The following ESRRG variants were observed in gnomAD, a reference collection of about 807,000 sequenced individuals.
ESRRG encodes the protein estrogen related receptor gamma, also known as estrogen-related receptor gamma.
A neutral mutation model predicts 44.0 loss-of-function variants in ESRRG; 13 were observed. The ratio of observed to expected loss-of-function variants is 0.30; its 90% CI spans 0.19 to 0.47. The LOEUF (loss-of-function observed/expected upper bound fraction) is 0.47, where lower values mean the gene tolerates loss of function less well. ESRRG is among the 20% of genes least tolerant of loss of function. The pLI is 1.00. For missense variants in ESRRG, 395 were observed against 580.6 expected (o/e 0.68, Z 3.29); for synonymous variants, 215 against 214.6 (o/e 1.00, Z -0.02).
At chr1:216,656,993 G>A (rs1231967860) in intron 2 of ESRRG, among the ~76,000 whole-genome samples, 1 of 152,136 alleles carries the variant, frequency 6.6e-6, no homozygotes, top group African/African-American at 2.4e-5. Context: ...GCAATAATCT[G>A]TAGTATTTTT....
intron 1 of ESRRG, among the ~76,000 whole-genome samples, chr1:217,122,111 T>G (rs1215115490): frequency 6.6e-6 from 1 of 152,210 alleles, no homozygotes; most frequent in East Asian, 1.9e-4. Flanking sequence ...TTTGGACCAC[T>G]TATTCTGTGA....
At chr1:216,812,468 A>C (rs2095003781) in intron 2 of ESRRG, among the ~76,000 whole-genome samples, 2 of 152,126 alleles carry the variant, frequency 1.3e-5, no homozygotes, top group Admixed American at 6.6e-5. Context: ...CATGTAGTAG[A>C]TTGCATAATG....
At chr1:216,607,441 A>G (rs1322644687) in intron 3 of ESRRG, among the ~76,000 whole-genome samples, 2 of 152,214 alleles carry the variant, frequency 1.3e-5, no homozygotes, top group Non-Finnish European at 2.9e-5. Context: ...GGCTGGACAG[A>G]GTGGGCGCTT....
At chr1:216,977,870 T>TAA (rs927074182) in intron 1 of ESRRG, among the ~76,000 whole-genome samples, 4 of 152,094 alleles carry the variant, frequency 2.6e-5, no homozygotes, top group Non-Finnish European at 4.4e-5. Context: ...AGTGGGTTCA[T>TAA]AATCTCAGGA....
At chr1:217,045,911 T>G (rs955523574) in intron 1 of ESRRG, among the ~76,000 whole-genome samples, 3 of 152,158 alleles carry the variant, frequency 2.0e-5, no homozygotes, top group Non-Finnish European at 2.9e-5. Context: ...TTTAGGATTT[T>G]TTAAGTATTT....
intron 3 of ESRRG, among the ~76,000 whole-genome samples, chr1:216,572,916 A>T (rs2061070002): frequency 6.6e-6 from 1 of 152,052 alleles, no homozygotes; most frequent in South Asian, 2.1e-4. Context: ...GTAGTAATAA[A>T]TGCAAATAAC....
chr1:216,631,026 T>G (rs543096949), intron 3 of ESRRG, among the ~76,000 whole-genome samples: 28 of 151,716 alleles, frequency 1.8e-4, no homozygotes, highest in African/African-American at 6.8e-4. Flanking sequence ...GGAAAAATGA[T>G]GATGAAACAC....
At position 216,800,168 on chromosome 1, in the gene ESRRG, TC is replaced by T. The variant is rs11572607; in HGVS notation, c.-13-122678del. Among the ~76,000 whole-genome samples the T allele has an allele frequency of 2.1e-3, 321 of 152,256 alleles. 3 individuals are homozygous for T. Among genetic ancestry groups the T allele is most frequent in the Middle Eastern group, 0.02 (6 of 294 alleles). On this transcript the variant is annotated intron_variant, in intron 2 of 7. Coordinates refer to the ESRRG transcript ENST00000359162. The stretch of plus-strand genomic sequence containing the variant: ...GATTTTACTGAAAACTTAACACCTC[TC>T]AACACAGCTGTCTGCCCAGTCAGGA...
chr1:216,967,457 T>C (rs2070691853), intron 1 of ESRRG, among the ~76,000 whole-genome samples: 1 of 152,190 alleles, frequency 6.6e-6, no homozygotes, highest in South Asian at 2.1e-4. Context: ...CCCTGCCTTT[T>C]CTAGAAAGAC....
intron 2 of ESRRG, among the ~76,000 whole-genome samples, chr1:216,924,598 G>T (rs2062278281): frequency 6.6e-6 from 1 of 152,192 alleles, no homozygotes. Flanking sequence ...TGTCCACAGG[G>T]AAAAGTGAGC....
intron 5 of ESRRG, among the ~76,000 whole-genome samples, chr1:216,554,452 CAAAA>C (rs34202751): frequency 7.1e-6 from 1 of 140,516 alleles, no homozygotes. Flanking sequence ...GACTCTGTCT[CAAAA>C]AAAAAAAAAC....
chr1:217,134,473 T>A (rs1322847720), intron 1 of ESRRG, among the ~76,000 whole-genome samples: 1 of 152,166 alleles, frequency 6.6e-6, no homozygotes, highest in African/African-American at 2.4e-5. Flanking sequence ...ACTTACTTGT[T>A]CTTAATTCCT....
At chr1:217,133,647 C>CTTTCTTTCTTTCT (rs1558298414) in intron 1 of ESRRG, among the ~76,000 whole-genome samples, 2 of 56,994 alleles carry the variant, frequency 3.5e-5, no homozygotes, top group Non-Finnish European at 7.1e-5. Flanking sequence ...CTCTCTCTCT[C>CTTTCTTTCTTTCT]TTTCTTTCTT....
chr1:216,677,742 G>T (rs963694338), intron 1 of ESRRG, among the ~76,000 whole-genome samples: 1 of 152,078 alleles, frequency 6.6e-6, no homozygotes, highest in Non-Finnish European at 1.5e-5. Flanking sequence ...CAGCATAAGG[G>T]CATGACAGGG....
intron 1 of ESRRG, among the ~76,000 whole-genome samples, chr1:216,988,964 A>G (rs2075279242): frequency 2.0e-5 from 3 of 152,224 alleles, no homozygotes; most frequent in Non-Finnish European, 4.4e-5. Flanking sequence ...AACCACAGTC[A>G]TAGCCCTTTA....
intron 1 of ESRRG, among the ~76,000 whole-genome samples, chr1:217,038,897 C>T (rs762910772): frequency 6.6e-5 from 10 of 152,144 alleles, no homozygotes; most frequent in South Asian, 2.1e-4. Flanking sequence ...CTTTTAAAAC[C>T]GAATGCCTTT....
chr1:216,947,390 T>C (rs1481314269), intron 1 of ESRRG, among the ~76,000 whole-genome samples: 1 of 152,212 alleles, frequency 6.6e-6, no homozygotes, highest in Non-Finnish European at 1.5e-5. Flanking sequence ...TTGATGGTTT[T>C]TCAGATGATA....
intron 3 of ESRRG, among the ~76,000 whole-genome samples, chr1:216,574,282 G>A (rs1439784164): frequency 6.6e-6 from 1 of 151,996 alleles, no homozygotes; most frequent in African/African-American, 2.4e-5. Context: ...ATTGCCACAA[G>A]GGAATTACAA....
At chr1:216,991,198 C>T (rs565300158) in intron 1 of ESRRG, among the ~76,000 whole-genome samples, 10 of 152,132 alleles carry the variant, frequency 6.6e-5, no homozygotes, top group Non-Finnish European at 1.5e-4. Context: ...CCATCCCCCA[C>T]CCATCCATGG....
Sources: gnomAD v4.1 joint callset for allele counts (sites outside exome capture counted in the v4.1 genomes callset) on GRCh38, gnomAD v4.1.1 for gene constraint, MANE v1.5 for transcripts, NCBI Gene and HGNC (gene_info 2026-07-23, HGNC 2026-07-21) for gene names.